The following SLC9A9 variants were observed in gnomAD, a reference collection of about 807,000 sequenced individuals.
The protein encoded by SLC9A9 is solute carrier family 9 member A9.
Under a neutral mutation model 77.8 loss-of-function variants are expected in SLC9A9, and 62 were observed. The ratio of observed to expected loss-of-function variants is 0.80; its 90% CI spans 0.65 to 0.98. The LOEUF is 0.98. Ranked by LOEUF, SLC9A9 falls within the 50% of genes least tolerant of loss-of-function variation. The pLI is 0.00. For missense variants in SLC9A9, 775 were observed against 774.9 expected (o/e 1.00, Z 0.00); for synonymous variants, 320 against 283.5 (o/e 1.13, Z -1.29).
intron 5 of SLC9A9, among the ~76,000 whole-genome samples, chr3:143,664,489 G>C (rs925164683): frequency 1.3e-5 from 2 of 152,068 alleles, no homozygotes; most frequent in East Asian, 3.8e-4. Flanking sequence ...ATATTAACCT[G>C]AAATGTAAAT....
At chr3:143,794,968 C>T (rs376927543) in intron 4 of SLC9A9, 33 bp downstream of exon 4, 5 of 1,595,832 alleles carry the variant, frequency 3.1e-6, no homozygotes, top group East Asian at 4.5e-5. Context: ...GACCCCACAG[C>T]CACCTGCAAC....
At chr3:143,303,899 A>G (rs1181532808) in intron 14 of SLC9A9, among the ~76,000 whole-genome samples, 2 of 152,242 alleles carry the variant, frequency 1.3e-5, no homozygotes, top group East Asian at 3.9e-4. Flanking sequence ...GACTTAAAAC[A>G]TCTGTTTTCT....
At chr3:143,789,661 A>G (rs1054372881) in intron 4 of SLC9A9, among the ~76,000 whole-genome samples, 50 of 152,020 alleles carry the variant, frequency 3.3e-4, no homozygotes, top group African/African-American at 1.2e-3. Flanking sequence ...CTAATTAAGA[A>G]CAGGTTCCAG....
Position 143,291,718 on chromosome 3 carries a change from G to A in SLC9A9, c.1605-22738C>T, listed in dbSNP as rs138296866. Among the ~76,000 whole-genome samples the A allele has an allele frequency of 5.9e-3, 904 of 152,272 alleles. 9 individuals carry two copies. The highest frequency in any genetic ancestry group is 0.021 in the African/African-American group (875 of 41,548). Reference sequence around the variant, plus strand: ...AAAAGTCTGTCTTGAAAGATTTTTTGCAGCATCACTTTACTTTTAGTTTTT... The same window carrying A: ...AAAAGTCTGTCTTGAAAGATTTTTTACAGCATCACTTTACTTTTAGTTTTT... On this transcript the variant is annotated intron_variant, in intron 14 of 15. Coordinates refer to ENST00000316549, the MANE Select transcript of SLC9A9 (RefSeq NM_173653.4).
intron 4 of SLC9A9, among the ~76,000 whole-genome samples, chr3:143,746,514 T>TTGTATGTATAGGATTATA (rs1331018186): frequency 2.2e-4 from 33 of 152,346 alleles, no homozygotes; most frequent in Non-Finnish European, 3.8e-4. Context: ...ATAATTTATC[T>TTGTATGTATAGGATTATA]ATTTCCAAAA....
At chr3:143,741,679 A>T (rs776585987) in intron 4 of SLC9A9, among the ~76,000 whole-genome samples, 1 of 152,158 alleles carries the variant, frequency 6.6e-6, no homozygotes, top group Non-Finnish European at 1.5e-5. Flanking sequence ...CAAGGTCAAC[A>T]TCAATAGTCA....
At chr3:143,769,021 A>G (rs962503384) in intron 4 of SLC9A9, among the ~76,000 whole-genome samples, 1 of 152,168 alleles carries the variant, frequency 6.6e-6, no homozygotes, top group African/African-American at 2.4e-5. Flanking sequence ...ACTTTGGCCG[A>G]GTTATCTTTT....
chr3:143,672,318 C>G (rs1486318917), intron 5 of SLC9A9, among the ~76,000 whole-genome samples: 1 of 151,508 alleles, frequency 6.6e-6, no homozygotes, highest in Non-Finnish European at 1.5e-5. Flanking sequence ...GCAGAGAGGG[C>G]CAGAAGGTGA....
intron 15 of SLC9A9, among the ~76,000 whole-genome samples, chr3:143,267,740 A>G (rs1937773433): frequency 6.6e-6 from 1 of 152,270 alleles, no homozygotes; most frequent in African/African-American, 2.4e-5. Flanking sequence ...GGAAGTCACC[A>G]TAGTGGATAA....
intron 12 of SLC9A9, among the ~76,000 whole-genome samples, chr3:143,435,927 G>T (rs188566359): frequency 6.6e-6 from 1 of 152,208 alleles, no homozygotes; most frequent in Non-Finnish European, 1.5e-5. Flanking sequence ...TGCAGGGGCT[G>T]CCTGGGCCAG....
intron 2 of SLC9A9, among the ~76,000 whole-genome samples, chr3:143,810,599 CAAATG>C (rs1164879410): frequency 6.6e-6 from 1 of 152,128 alleles, no homozygotes; most frequent in Non-Finnish European, 1.5e-5. Context: ...TATGCATGGG[CAAATG>C]AAATGTGTGC....
intron 4 of SLC9A9, among the ~76,000 whole-genome samples, chr3:143,790,196 A>T (rs1560080397): frequency 6.6e-6 from 1 of 152,098 alleles, no homozygotes; most frequent in Non-Finnish European, 1.5e-5. Flanking sequence ...CCATGATTGT[A>T]AGTTTCCTGA....
intron 2 of SLC9A9, among the ~76,000 whole-genome samples, chr3:143,814,154 C>T (rs2008943276): frequency 6.6e-6 from 1 of 152,090 alleles, no homozygotes; most frequent in Admixed American, 6.5e-5. Flanking sequence ...GGGTGAGTGA[C>T]TGAGAGAATA....
chr3:143,447,884 G>C lies in SLC9A9; in HGVS notation c.1469+19153C>G, dbSNP rs183576510. 2.0e-5 allele frequency among the ~76,000 whole-genome samples: 3 copies of C among 152,298 alleles called. No individual in the cohort carries two copies. The East Asian group carries it at 5.8e-4, about 29-fold the overall frequency. On this transcript the variant is annotated intron_variant, in intron 12 of 15. Coordinates refer to ENST00000316549, the MANE Select transcript of SLC9A9 (RefSeq NM_173653.4). ...AAGGTGAATTAGGGATGTAGTGTCA[G>C]CTACACAAAGGCAGGGATTTCTATG...
intron 12 of SLC9A9, among the ~76,000 whole-genome samples, chr3:143,463,282 GGT>G (rs1476532335): frequency 2.0e-5 from 3 of 152,138 alleles, no homozygotes; most frequent in African/African-American, 7.2e-5. Flanking sequence ...TTTGCACTGT[GGT>G]ATGGGCTCCA....
rs2036211852 is a variant in SLC9A9, at chr3:143,516,975, T to C, written c.1090-21527A>G. The C allele has an allele frequency of 4.9e-6, 3 of 616,578 alleles. No individual in the cohort carries two copies. In the South Asian group the frequency reaches 6.2e-5, roughly 13 times the overall value. The allele number at this position is 616,578 out of a possible 1,614,324, so 38.2% of individuals were successfully genotyped here. A position where few individuals can be genotyped will look rare whatever the true frequency, so the allele number is the denominator to read the frequency against. On this transcript the variant is annotated intron_variant, in intron 9 of 15. Transcript: ENST00000316549. ...TCCTATGAATATTATCTTATAATCA[T>C]TTTAATTTGTAGTCCCTGATTAATA...
chr3:143,308,454 T>C (rs1277691891), intron 14 of SLC9A9, among the ~76,000 whole-genome samples: 6 of 152,062 alleles, frequency 3.9e-5, no homozygotes, highest in African/African-American at 1.4e-4. Context: ...CGGGCACCTG[T>C]AGTCCCAGCT....
chr3:143,525,482 C>T (rs968644778), intron 9 of SLC9A9, among the ~76,000 whole-genome samples: 3 of 152,204 alleles, frequency 2.0e-5, no homozygotes, highest in African/African-American at 7.2e-5. Context: ...GTGACTGATA[C>T]TTTCTCTAGA....
chr3:143,821,246 A>G (rs2009158983), intron 2 of SLC9A9, among the ~76,000 whole-genome samples: 1 of 152,260 alleles, frequency 6.6e-6, no homozygotes, highest in Admixed American at 6.5e-5. Flanking sequence ...CCAAGGGGAA[A>G]TCCATGCCCA....
Sources: gnomAD v4.1 joint callset for allele counts (sites outside exome capture counted in the v4.1 genomes callset) on GRCh38, gnomAD v4.1.1 for gene constraint, MANE v1.5 for transcripts, NCBI Gene and HGNC (gene_info 2026-07-23, HGNC 2026-07-21) for gene names.